CREB5: variants seen among roughly 807,000 people sequenced by gnomAD.
CREB5 encodes cAMP responsive element binding protein 5, also known as cyclic AMP-responsive element-binding protein 5.
In CREB5, 19 loss-of-function variants were observed where a neutral mutation model predicts 57.1. The ratio of observed to expected loss-of-function variants is 0.33; its 90% CI spans 0.23 to 0.49. The LOEUF (loss-of-function observed/expected upper bound fraction) is 0.49, where lower values mean the gene tolerates loss of function less well. Among genes scored for constraint, CREB5 ranks in the 20% least tolerant of loss-of-function variants. The pLI, the probability that CREB5 is intolerant of heterozygous loss-of-function variation, is 0.99. For missense variants in CREB5, 579 were observed against 671.6 expected (o/e 0.86, Z 1.52); for synonymous variants, 238 against 238.3 (o/e 1.00, Z 0.01).
intron 1 of CREB5, among the ~76,000 whole-genome samples, chr7:28,311,961 C>T (rs1583662711): frequency 6.6e-6 from 1 of 152,132 alleles, no homozygotes; most frequent in Non-Finnish European, 1.5e-5. Flanking sequence ...CTGTTAGGAC[C>T]CTGACTTCTC....
chr7:28,683,482 G>A (rs1481601209), intron 5 of CREB5, among the ~76,000 whole-genome samples: 2 of 152,192 alleles, frequency 1.3e-5, no homozygotes, highest in African/African-American at 2.4e-5. Context: ...GGATGTCGAA[G>A]TGTTCTGGCA....
chr7:28,435,525 A>AT, intron 1 of CREB5: 1 of 596,166 alleles, frequency 1.7e-6, no homozygotes, highest in Non-Finnish European at 2.1e-6. Flanking sequence ...AATGAGGGCC[A>AT]TATAACCAGC....
chr7:28,519,112 C>T (rs11980669), intron 4 of CREB5, among the ~76,000 whole-genome samples: 27,697 of 152,168 alleles, frequency 0.18, 4,440 homozygotes, highest in African/African-American at 0.44. Flanking sequence ...AATCCAAACT[C>T]CACGTTCACA....
At chr7:28,401,423 T>A (rs936185239) in intron 1 of CREB5, among the ~76,000 whole-genome samples, 3 of 152,150 alleles carry the variant, frequency 2.0e-5, no homozygotes, top group Middle Eastern at 6.8e-3. Flanking sequence ...TAATTTTTTA[T>A]TTTTTTATAA....
intron 5 of CREB5, among the ~76,000 whole-genome samples, chr7:28,716,549 C>T (rs1489073590): frequency 2.6e-5 from 4 of 152,164 alleles, no homozygotes; most frequent in African/African-American, 9.7e-5. Context: ...GGGGTCCTCT[C>T]AGTGAATCTT....
chr7:28,366,894 T>C (rs1398629176), intron 1 of CREB5, among the ~76,000 whole-genome samples: 3 of 152,180 alleles, frequency 2.0e-5, no homozygotes, highest in Admixed American at 2.0e-4. Context: ...ATGCAAGTTG[T>C]AGAGGGGTAA....
chr7:28,680,215 G>C (rs1362840137), intron 5 of CREB5, among the ~76,000 whole-genome samples: 1 of 152,092 alleles, frequency 6.6e-6, no homozygotes, highest in Admixed American at 6.5e-5. Flanking sequence ...CTTGGTCAAA[G>C]GGGAAAGTAG....
intron 1 of CREB5, among the ~76,000 whole-genome samples, chr7:28,418,107 G>C (rs1344224743): frequency 1.3e-5 from 2 of 152,146 alleles, no homozygotes; most frequent in Non-Finnish European, 2.9e-5. Flanking sequence ...TACTCCAGTT[G>C]AGACATCTGG....
In CREB5 at chr7:28,811,099, T is replaced by G. The variant is rs752357413; in HGVS notation, c.1254+1685T>G. Among the ~76,000 whole-genome samples the G allele has an allele frequency of 6.1e-4, 93 of 152,352 alleles. 2 individuals carry two copies. Among genetic ancestry groups the G allele is most frequent in the South Asian group, 3.5e-3 (17 of 4,832 alleles). On this transcript the variant is annotated intron_variant, in intron 9 of 10. Coordinates refer to ENST00000357727, the MANE Select transcript of CREB5 (RefSeq NM_182898.4). Reference sequence around the variant, plus strand: ...CTACTCCCTCCGCCCACTATCTATCTATCTGCTGTTTATAGTGTAGTGTCT... The same window carrying G: ...CTACTCCCTCCGCCCACTATCTATCGATCTGCTGTTTATAGTGTAGTGTCT...
intron 3 of CREB5, among the ~76,000 whole-genome samples, chr7:28,498,056 T>C (rs899753002): frequency 1.3e-5 from 2 of 152,182 alleles, no homozygotes; most frequent in Non-Finnish European, 2.9e-5. Context: ...CATGTTTATG[T>C]GATATTATAA....
intron 7 of CREB5, among the ~76,000 whole-genome samples, chr7:28,742,425 G>A (rs1414558994): frequency 6.6e-6 from 1 of 151,992 alleles, no homozygotes; most frequent in Non-Finnish European, 1.5e-5. Context: ...AATTAGCCAG[G>A]CATGGTGGCA....
At chr7:28,630,115 T>C (rs1418945295) in intron 5 of CREB5, among the ~76,000 whole-genome samples, 1 of 152,220 alleles carries the variant, frequency 6.6e-6, no homozygotes, top group Non-Finnish European at 1.5e-5. Flanking sequence ...GAACTGTTCC[T>C]GAATCGTTAG....
chr7:28,304,310 T>C (rs79437564), intron 1 of CREB5, among the ~76,000 whole-genome samples: 3,830 of 152,348 alleles, frequency 0.025, 141 homozygotes, highest in African/African-American at 0.087. Context: ...TCTGTCTCAA[T>C]CATAGACTTA....
At position 28,718,695 on chromosome 7, in the gene CREB5, G is replaced by A; in HGVS notation, c.465-58G>A. 3.1e-6 allele frequency: 5 copies of A among 1,601,310 alleles called. No individual in the cohort carries two copies. In the South Asian group the frequency reaches 5.5e-5, roughly 18 times the overall value. ...TGTTGTCCCTGCTGTTCTGGACACTGGGGAGACAGGGCCAGGGCACCAGGA... is the reference window on the plus strand; with the variant it reads ...TGTTGTCCCTGCTGTTCTGGACACTAGGGAGACAGGGCCAGGGCACCAGGA... On this transcript the variant is annotated intron_variant, in intron 5 of 10. Transcript: ENST00000357727.
intron 5 of CREB5, among the ~76,000 whole-genome samples, chr7:28,603,993 C>T (rs1010732506): frequency 2.6e-5 from 4 of 152,008 alleles, no homozygotes; most frequent in East Asian, 1.9e-4. Context: ...GGATGGGGTG[C>T]GTAAAAGGAC....
In CREB5 at chr7:28,806,960, C is replaced by T. The variant is rs182909271; in HGVS notation, c.1027-2227C>T. On this transcript the variant is annotated intron_variant, in intron 8 of 10. Coordinates refer to ENST00000357727, the MANE Select transcript of CREB5 (RefSeq NM_182898.4). The stretch of plus-strand genomic sequence containing the variant: ...AAATATCCGAGCAGTTAGCACATTC[C>T]CTCTTAATGCTTTTCTTTGCAGTAG... Among the ~76,000 whole-genome samples, 9 of 152,262 alleles carry T rather than the reference C, an allele frequency of 5.9e-5. No homozygotes were observed. In the East Asian group the frequency reaches 1.7e-3, roughly 29 times the overall value.
At chr7:28,708,343 C>T (rs1802231151) in intron 5 of CREB5, among the ~76,000 whole-genome samples, 1 of 152,180 alleles carries the variant, frequency 6.6e-6, no homozygotes, top group South Asian at 2.1e-4. Context: ...CGACACATCC[C>T]TCCCCTGCCA....
At chr7:28,598,958 T>C (rs1583688672) in intron 5 of CREB5, among the ~76,000 whole-genome samples, 1 of 152,212 alleles carries the variant, frequency 6.6e-6, no homozygotes. Context: ...ATGAAACTCA[T>C]TGCTTTCCCA....
intron 1 of CREB5, among the ~76,000 whole-genome samples, chr7:28,467,747 A>G (rs1450096194): frequency 1.3e-5 from 2 of 152,180 alleles, no homozygotes; most frequent in Non-Finnish European, 2.9e-5. Flanking sequence ...CCTCATGTCT[A>G]TATCAAGTGG....
Sources: allele counts gnomAD v4.1 joint callset (sites outside exome capture counted in the v4.1 genomes callset), GRCh38; gene constraint gnomAD v4.1.1; transcripts MANE v1.5; gene names NCBI Gene and HGNC (gene_info 2026-07-23, HGNC 2026-07-21).